Variants in TMEM178A observed in about 807,000 individuals in gnomAD.
TMEM178A encodes transmembrane protein 178.
In TMEM178A, 12 loss-of-function variants were observed where a neutral mutation model predicts 29.1. The observed-to-expected ratio is 0.41, with a 90% CI of 0.26 to 0.67. TMEM178A has a LOEUF of 0.67. Among genes scored for constraint, TMEM178A ranks in the 30% least tolerant of loss-of-function variants. TMEM178A has a pLI of 0.29. For missense variants in TMEM178A, 366 were observed against 419.1 expected, an observed-to-expected ratio of 0.87 and a Z score of 1.11; for synonymous variants, 210 against 187.2, an observed-to-expected ratio of 1.12 and a Z score of -0.99.
At chr2:39,666,573 A>C (rs1670171380) in intron 1 of TMEM178A, among the ~76,000 whole-genome samples, 199 bp downstream of exon 1, 1 of 147,644 alleles carries the variant, frequency 6.8e-6, no homozygotes, top group African/African-American at 2.5e-5. Flanking sequence ...CCTCTCCTTG[A>C]CTCTCTTCTT....
At chr2:39,665,887 G>A (rs1485635666), upstream of TMEM178A, 6 of 1,194,036 alleles carry the variant, frequency 5.0e-6, no homozygotes, top group African/African-American at 8.2e-5. Context: ...GGGGAAGAGG[G>A]AGGGAGCGGG....
the TMEM178A span, among the ~76,000 whole-genome samples, chr2:39,729,133 A>G: frequency 1.3e-5 from 2 of 152,186 alleles, no homozygotes; most frequent in African/African-American, 2.4e-5. Context: ...AAATTAATCT[A>G]GGGGACTACA....
At chr2:39,721,782 C>G (rs1672710571), downstream of TMEM178A, among the ~76,000 whole-genome samples, 1 of 151,880 alleles carries the variant, frequency 6.6e-6, no homozygotes, top group East Asian at 1.9e-4. Context: ...TCTCTTGAGT[C>G]CAGGTATTCA....
intron 1 of TMEM178A, among the ~76,000 whole-genome samples, chr2:39,698,931 T>G (rs1413457021): frequency 6.6e-6 from 1 of 152,198 alleles, no homozygotes; most frequent in Non-Finnish European, 1.5e-5. Flanking sequence ...TTATCTGTTT[T>G]ATCTAATTTG....
At chr2:39,730,970 T>A in the TMEM178A span, among the ~76,000 whole-genome samples, 1 of 152,224 alleles carries the variant, frequency 6.6e-6, no homozygotes, top group African/African-American at 2.4e-5. Flanking sequence ...GTTATCTTCC[T>A]GCTGGCACAA....
upstream of TMEM178A, chr2:39,665,829 G>C (rs1670118356): frequency 2.7e-6 from 2 of 752,856 alleles, no homozygotes; most frequent in East Asian, 3.5e-5. Context: ...GAGCCGGGCC[G>C]GGCTCGCAGG....
chr2:39,696,943 A>G (rs544936859), intron 1 of TMEM178A, among the ~76,000 whole-genome samples: 1 of 152,152 alleles, frequency 6.6e-6, no homozygotes, highest in South Asian at 2.1e-4. Context: ...TCTTCCCCCC[A>G]TTGTGTGATG....
intron 1 of TMEM178A, among the ~76,000 whole-genome samples, chr2:39,670,329 G>T (rs1178079817): frequency 1.3e-5 from 2 of 152,212 alleles, no homozygotes; most frequent in Non-Finnish European, 2.9e-5. Flanking sequence ...TCAACAAATA[G>T]ATGTTGGAGT....
chr2:39,730,434 G>A, the TMEM178A span, among the ~76,000 whole-genome samples: 3 of 152,114 alleles, frequency 2.0e-5, no homozygotes, highest in Non-Finnish European at 4.4e-5. Context: ...AGATCACTAG[G>A]TCCGTCAAGT....
chr2:39,706,354 G>C (rs1226869883), intron 2 of TMEM178A, among the ~76,000 whole-genome samples: 1 of 152,220 alleles, frequency 6.6e-6, no homozygotes, highest in Non-Finnish European at 1.5e-5. Flanking sequence ...TGCTTTAGGG[G>C]AGAAGGCATT....
At chr2:39,683,462 C>T (rs1164524480) in intron 1 of TMEM178A, among the ~76,000 whole-genome samples, 1 of 152,170 alleles carries the variant, frequency 6.6e-6, no homozygotes, top group Non-Finnish European at 1.5e-5. Flanking sequence ...AAGTAACATG[C>T]CCTGCAATCG....
At chr2:39,734,699 G>C in the TMEM178A span, among the ~76,000 whole-genome samples, 4 of 152,176 alleles carry the variant, frequency 2.6e-5, no homozygotes, top group African/African-American at 9.7e-5. Context: ...CTAAATTAGA[G>C]TGTCTAGACT....
At chr2:39,703,384 G>T (rs1671879542) in intron 1 of TMEM178A, among the ~76,000 whole-genome samples, 1 of 152,192 alleles carries the variant, frequency 6.6e-6, no homozygotes, top group Non-Finnish European at 1.5e-5. Context: ...GTGTGAGGAG[G>T]TGGAGAGTGT....
chr2:39,711,443 G>A (rs1469617271), intron 3 of TMEM178A, among the ~76,000 whole-genome samples: 1 of 152,058 alleles, frequency 6.6e-6, no homozygotes, highest in Non-Finnish European at 1.5e-5. Context: ...GCCTCCCTTG[G>A]TGGGGGTCTC....
chr2:39,686,795 C>T (rs1359317657), intron 1 of TMEM178A, among the ~76,000 whole-genome samples: 3 of 152,156 alleles, frequency 2.0e-5, no homozygotes, highest in Non-Finnish European at 2.9e-5. Context: ...CAGTGAATTC[C>T]CAAATAGCTG....
chr2:39,682,404 C>T (rs1489061297), intron 1 of TMEM178A, among the ~76,000 whole-genome samples: 1 of 151,002 alleles, frequency 6.6e-6, no homozygotes, highest in Non-Finnish European at 1.5e-5. Flanking sequence ...AAATATTGTG[C>T]TTGTTTTGAT....
upstream of TMEM178A, chr2:39,665,700 C>G (rs1670111613): frequency 1.8e-5 from 5 of 280,018 alleles, no homozygotes; most frequent in East Asian, 2.6e-4. Context: ...GGAGAGGGGG[C>G]TGGGGAAGAG....
chr2:39,674,851 T>G (rs1670551116), intron 1 of TMEM178A, among the ~76,000 whole-genome samples: 1 of 152,134 alleles, frequency 6.6e-6, no homozygotes, highest in African/African-American at 2.4e-5. Flanking sequence ...TCAAGTTACC[T>G]TTTCTTTCTG....
chr2:39,711,699 T>G (rs565338536), intron 3 of TMEM178A, among the ~76,000 whole-genome samples: 1 of 152,304 alleles, frequency 6.6e-6, no homozygotes, highest in Admixed American at 6.5e-5. Context: ...ATTATCTAGA[T>G]TATCCATTGA....
Sources: allele counts gnomAD v4.1 joint callset (sites outside exome capture counted in the v4.1 genomes callset), GRCh38; gene constraint gnomAD v4.1.1; transcripts MANE v1.5; gene names NCBI Gene and HGNC (gene_info 2026-07-23, HGNC 2026-07-21).